SLC16A10: variants seen among roughly 807,000 people sequenced by gnomAD.
SLC16A10 encodes solute carrier family 16 member 10, also known as monocarboxylate transporter 10.
In SLC16A10, 27 loss-of-function variants were observed where a neutral mutation model predicts 40.0. The observed-to-expected ratio is 0.67, with a 90% CI of 0.50 to 0.93. The LOEUF (loss-of-function observed/expected upper bound fraction) is 0.93, where lower values mean the gene tolerates loss of function less well. Ranked by LOEUF, SLC16A10 falls within the 40% of genes least tolerant of loss-of-function variation. The probability of loss-of-function intolerance (pLI) is 0.00; values close to 1 mark genes in which losing one functional copy is unlikely to be tolerated. For missense variants in SLC16A10, 529 were observed against 658.2 expected (o/e 0.80, Z 2.15); for synonymous variants, 213 against 249.8 (o/e 0.85, Z 1.39).
rs181746758 is a variant in SLC16A10, at chr6:111,206,657, C to T, written c.1008C>T (p.Gly336=). The change falls in exon 4 of 6, where the codon GGC becomes GGT. Residue 336 remains glycine (G), a synonymous_variant. Coordinates refer to ENST00000368851, the MANE Select transcript of SLC16A10 (RefSeq NM_018593.5). The part of the protein sequence containing the change: ...KNKEVVLMCI[G]VTSGVGRLLF... ...AAGAGGTTGTTCTCATGTGCATTGG[C>T]GTCACTTCAGGAGTTGGACGACTGC... 1.2e-5 allele frequency: 19 copies of T among 1,614,094 alleles called. No individual in the cohort carries two copies. The African/African-American group carries it at 1.6e-4, about 14-fold the overall frequency.
At chr6:111,131,467 C>A (rs1376783870) in intron 1 of SLC16A10, among the ~76,000 whole-genome samples, 1 of 152,138 alleles carries the variant, frequency 6.6e-6, no homozygotes, top group East Asian at 1.9e-4. Flanking sequence ...GAACAAGGAC[C>A]CCCCGGTAAC....
At chr6:111,169,844 G>A (rs1254607232) in intron 1 of SLC16A10, among the ~76,000 whole-genome samples, 1 of 151,698 alleles carries the variant, frequency 6.6e-6, no homozygotes, top group Non-Finnish European at 1.5e-5. Context: ...TTTAATATTT[G>A]GTATAGAAGT....
chr6:111,148,766 A>G (rs560162452), intron 1 of SLC16A10, among the ~76,000 whole-genome samples: 5 of 152,290 alleles, frequency 3.3e-5, no homozygotes, highest in East Asian at 3.9e-4. Flanking sequence ...AAGTTGTTTA[A>G]CCAACCACTT....
rs890496893 is a variant in SLC16A10, at chr6:111,229,622, A to G, written c.*7387A>G. Reference sequence around the variant, plus strand: ...CATCAATCTTAAAACATGGATAATGAGTTATTTGCACAGTTATATTTTTAT... The same window carrying G: ...CATCAATCTTAAAACATGGATAATGGGTTATTTGCACAGTTATATTTTTAT... On this transcript the variant is annotated 3_prime_UTR_variant, in exon 6 of 6. Transcript: ENST00000368851. The G allele has an allele frequency of 3.9e-5, 6 of 152,226 alleles. No individual in the cohort carries two copies. The highest frequency in any genetic ancestry group is 1.2e-4 in the African/African-American group (5 of 41,456). The allele number at this position is 152,226 out of a possible 1,614,324, so 9.4% of individuals were successfully genotyped here. A position where few individuals can be genotyped will look rare whatever the true frequency, so the allele number is the denominator to read the frequency against.
chr6:111,138,470 C>T (rs759434666), intron 1 of SLC16A10, among the ~76,000 whole-genome samples: 55 of 152,350 alleles, frequency 3.6e-4, no homozygotes, highest in Admixed American at 7.8e-4. Context: ...TGGCCTTGAG[C>T]CAGCTCTACA....
In SLC16A10 at chr6:111,172,763, C is replaced by G; in HGVS notation, c.412C>G (p.Leu138Val). The change falls in exon 2 of 6, where the codon CTA (leucine) becomes GTA (valine). Residue 138 changes from leucine (L) to valine (V), a missense_variant. Coordinates refer to ENST00000368851, the MANE Select transcript of SLC16A10 (RefSeq NM_018593.5). The part of the protein sequence containing the change: ...CCPIVSVFTD[L>V]FGCRKTAVVG... ...CCCAATAGTCAGCGTCTTCACAGAC[C>G]TATTTGGTTGTCGGAAAACAGCTGT... 2 of 1,614,128 alleles carry G rather than the reference C, an allele frequency of 1.2e-6. No individual in the cohort carries two copies. The highest frequency in any genetic ancestry group is 1.7e-6 in the Non-Finnish European group (2 of 1,180,026).
rs1771093906 is a variant in SLC16A10, at chr6:111,230,457, T to C, written c.*8222T>C. On this transcript the variant is annotated 3_prime_UTR_variant, in exon 6 of 6. Transcript: ENST00000368851. ...CTCTGGTAACTAATGATAACACTTT[T>C]CTACGTTAACATGAGTTATATTTGG... 6.6e-6 allele frequency: 1 copy of C among 152,220 alleles called. No homozygotes were observed. Among genetic ancestry groups the C allele is most frequent in the Admixed American group, 6.5e-5 (1 of 15,280 alleles). The allele number at this position is 152,220 out of a possible 1,614,324, so 9.4% of individuals were successfully genotyped here.
chr6:111,101,389 A>G (rs1225009661), intron 1 of SLC16A10, among the ~76,000 whole-genome samples: 3 of 151,992 alleles, frequency 2.0e-5, no homozygotes, highest in Admixed American at 6.6e-5. Context: ...AATAGAGTTA[A>G]AAAAAGTAAT....
chr6:111,165,438 G>C (rs1349286456), intron 1 of SLC16A10, among the ~76,000 whole-genome samples: 1 of 152,184 alleles, frequency 6.6e-6, no homozygotes, highest in Admixed American at 6.5e-5. Flanking sequence ...CAAGATGCAA[G>C]AAGAGGAAAA....
intron 1 of SLC16A10, among the ~76,000 whole-genome samples, chr6:111,130,602 C>T (rs1771764605): frequency 6.6e-6 from 1 of 152,118 alleles, no homozygotes; most frequent in African/African-American, 2.4e-5. Flanking sequence ...GCAGCCTCAC[C>T]AGGCAGAAGG....
At chr6:111,105,695 T>C (rs1771273014) in intron 1 of SLC16A10, among the ~76,000 whole-genome samples, 1 of 152,230 alleles carries the variant, frequency 6.6e-6, no homozygotes, top group African/African-American at 2.4e-5. Flanking sequence ...GCACTACAGA[T>C]CTGTCCACAC....
intron 2 of SLC16A10, among the ~76,000 whole-genome samples, chr6:111,175,495 T>C (rs917928260): frequency 1.3e-5 from 2 of 152,192 alleles, no homozygotes; most frequent in Admixed American, 1.3e-4. Flanking sequence ...GAGAAATGTA[T>C]AATAGACTTA....
intron 1 of SLC16A10, among the ~76,000 whole-genome samples, chr6:111,097,381 G>A (rs950425984): frequency 5.3e-5 from 8 of 151,766 alleles, no homozygotes; most frequent in Admixed American, 3.3e-4. Flanking sequence ...GCGTGATCTC[G>A]GCTCACTGCA....
At chr6:111,137,366 C>G (rs774592499) in intron 1 of SLC16A10, among the ~76,000 whole-genome samples, 3 of 152,210 alleles carry the variant, frequency 2.0e-5, no homozygotes, top group Non-Finnish European at 4.4e-5. Context: ...TTTACTGGAC[C>G]AGGCCTTTTC....
At chr6:111,107,627 G>A (rs1405913722) in intron 1 of SLC16A10, among the ~76,000 whole-genome samples, 2 of 152,282 alleles carry the variant, frequency 1.3e-5, no homozygotes, top group East Asian at 1.9e-4. Flanking sequence ...AGATCCTGTG[G>A]CATATGTCTG....
intron 1 of SLC16A10, among the ~76,000 whole-genome samples, chr6:111,094,791 C>T (rs144897467): frequency 0.015 from 2,236 of 152,250 alleles, 25 homozygotes; most frequent in South Asian, 0.046. Flanking sequence ...GCACATGCCA[C>T]CATGGCCGGC....
intron 1 of SLC16A10, among the ~76,000 whole-genome samples, chr6:111,108,501 G>C (rs572519510): frequency 6.6e-6 from 1 of 152,178 alleles, no homozygotes; most frequent in African/African-American, 2.4e-5. Context: ...ACTCACAAAA[G>C]TATCTTGAAC....
chr6:111,205,763 C>T (rs1471759302), intron 3 of SLC16A10, among the ~76,000 whole-genome samples: 1 of 152,198 alleles, frequency 6.6e-6, no homozygotes, highest in Non-Finnish European at 1.5e-5. Flanking sequence ...TTAAACTGCC[C>T]CTGCATTTTA....
intron 3 of SLC16A10, among the ~76,000 whole-genome samples, chr6:111,187,274 A>G (rs1246194043): frequency 6.6e-6 from 1 of 152,186 alleles, no homozygotes; most frequent in Non-Finnish European, 1.5e-5. Context: ...CAGGGCTTCT[A>G]TCTAGCAAGA....
Sources: allele counts gnomAD v4.1 joint callset (sites outside exome capture counted in the v4.1 genomes callset), GRCh38; gene constraint gnomAD v4.1.1; transcripts MANE v1.5; gene names NCBI Gene and HGNC (gene_info 2026-07-23, HGNC 2026-07-21).